Variants in CDK11B observed in about 807,000 individuals in gnomAD.
CDK11B encodes the protein cyclin-dependent kinase 11B.
A neutral mutation model predicts 84.0 loss-of-function variants in CDK11B; 37 were observed. That is an observed-to-expected ratio of 0.44 (90% CI 0.34 to 0.58). CDK11B has a LOEUF of 0.58. CDK11B is among the 20% of genes least tolerant of loss of function. The pLI is 0.02. For missense variants in CDK11B, 427 were observed against 834.0 expected (o/e 0.51, Z 6.01); for synonymous variants, 269 against 309.8 (o/e 0.87, Z 1.38).
intron 4 of CDK11B, among the ~76,000 whole-genome samples, chr1:1,650,809 T>C (rs1274123722): frequency 6.6e-6 from 1 of 151,718 alleles, no homozygotes; most frequent in Non-Finnish European, 1.5e-5. Context: ...ATCATGATTT[T>C]ATGTTAAATA....
At chr1:1,651,283 G>A (rs1467192481) in intron 4 of CDK11B, among the ~76,000 whole-genome samples, 2 of 152,184 alleles carry the variant, frequency 1.3e-5, no homozygotes, top group Non-Finnish European at 2.9e-5. Flanking sequence ...CAATATAATG[G>A]GGGAGAGAAA....
intron 3 of CDK11B, chr1:1,654,108 TCA>T (rs1205230808): frequency 6.6e-6 from 3 of 452,212 alleles, no homozygotes; most frequent in Non-Finnish European, 1.3e-5. Context: ...CTGGGAAAAT[TCA>T]CACCTTAAGC....
rs1306698051 is a variant in CDK11B at position 1,636,693 on chromosome 1, T to C, written c.1906A>G (p.Lys636Glu). ...AGGGCCAGACCCACCTTGAACACCT[T>C]GTTGATCTGATCGATTTCTGACTTC... is the stretch of plus-strand genomic sequence containing the variant. ...PGKSEIDQIN[K>E]VFKDLGTPSE... The change falls in exon 17 of 20, where the codon AAG becomes GAG. Residue 636 changes from lysine (K) to glutamate (E), a missense_variant. By Grantham distance (56) the Lys-to-Glu change is moderately conservative. Transcript: ENST00000341832. The C allele has an allele frequency of 6.2e-7, 1 of 1,613,858 alleles. No homozygotes were observed. The highest frequency in any genetic ancestry group is 2.2e-5 in the East Asian group (1 of 44,892).
At chr1:1,651,689 G>GCT (rs1642030163) in intron 4 of CDK11B, among the ~76,000 whole-genome samples, 1 of 150,176 alleles carries the variant, frequency 6.7e-6, no homozygotes, top group African/African-American at 2.5e-5. Flanking sequence ...GCTGGAGTTT[G>GCT]CTCTCTATAG....
Position 1,652,551 on chromosome 1 carries a change from A to T in CDK11B, c.243T>A (p.Asp81Glu). Residue 81 changes from aspartate to glutamate, a missense_variant, in exon 4 of 20, where the codon GAT becomes GAA. Coordinates refer to ENST00000341832, the MANE Select transcript of CDK11B (RefSeq NM_033486.3). Reference sequence around the variant, plus strand: ...GCTGGGGTGGTTTGATGGCCAAAGAATCATCTTCTTCTCCTCTGAAATAAA... The same window carrying T: ...GCTGGGGTGGTTTGATGGCCAAAGATTCATCTTCTTCTCCTCTGAAATAAA... The part of the protein sequence containing the change: ...DSMEDRGEED[D>E]SLAIKPPQQM... 6.8e-7 allele frequency: 1 copy of T among 1,477,258 alleles called. No homozygotes were observed. Among genetic ancestry groups the T allele is most frequent in the Non-Finnish European group, 8.9e-7 (1 of 1,121,318 alleles). The allele number at this position is 1,477,258 out of a possible 1,614,324, so 91.5% of individuals were successfully genotyped here.
intron 4 of CDK11B, among the ~76,000 whole-genome samples, chr1:1,650,360 TC>T (rs1641816126): frequency 7.8e-6 from 1 of 128,780 alleles, no homozygotes; most frequent in African/African-American, 3.2e-5. Flanking sequence ...TCCTAATTTT[TC>T]TTTTTTTTCT....
intron 11 of CDK11B, among the ~76,000 whole-genome samples, chr1:1,639,503 C>T (rs530940920): frequency 1.3e-5 from 2 of 152,036 alleles, no homozygotes; most frequent in South Asian, 4.2e-4. Flanking sequence ...CGGGCCCTAC[C>T]TGCCAGGCGC....
intron 2 of CDK11B, chr1:1,657,155 A>C (rs1347998253): frequency 4.6e-6 from 7 of 1,534,464 alleles, no homozygotes; most frequent in Non-Finnish European, 6.3e-6. Flanking sequence ...TTCTCCATGT[A>C]TGCTCAATCT....
intron 4 of CDK11B, among the ~76,000 whole-genome samples, chr1:1,650,688 T>TCA (rs1557709325): frequency 2.2e-4 from 27 of 122,550 alleles, no homozygotes; most frequent in African/African-American, 6.8e-4. Flanking sequence ...TTTTTTTTTT[T>TCA]AAAGAGACAG....
At chr1:1,650,705 G>A (rs1370766802) in intron 4 of CDK11B, among the ~76,000 whole-genome samples, 29 of 135,274 alleles carry the variant, frequency 2.1e-4, no homozygotes, top group Non-Finnish European at 3.8e-4. Context: ...ACAGGGTCTC[G>A]CTATATTGGC....
At chr1:1,650,370 C>CTT (rs1214383150) in intron 4 of CDK11B, among the ~76,000 whole-genome samples, 8,266 of 120,260 alleles carry the variant, frequency 0.069, 513 homozygotes, top group East Asian at 0.26. Flanking sequence ...TCTTTTTTTT[C>CTT]TTTTTTTTTT....
chr1:1,655,310 G>C, intron 3 of CDK11B, 59 bp downstream of exon 3: 2 of 1,572,952 alleles, frequency 1.3e-6, no homozygotes, highest in Non-Finnish European at 1.7e-6. Flanking sequence ...ACCCTAGGAA[G>C]GACCGGCCAG....
At chr1:1,658,273 G>A (rs1207682051) in intron 1 of CDK11B, among the ~76,000 whole-genome samples, 4 of 149,576 alleles carry the variant, frequency 2.7e-5, no homozygotes, top group Non-Finnish European at 5.9e-5. Flanking sequence ...GAGCCCAGGA[G>A]TTCCAGGCTG....
At position 1,637,924 on chromosome 1, in the gene CDK11B, A is replaced by C. The variant is rs748718496; in HGVS notation, c.1343-41T>G. Reference sequence around the variant, plus strand: ...AGACGGCACTGAGAGGCATTCTCAAAGTCACGGTACCAACAGTGGACTCGT... The same window carrying C: ...AGACGGCACTGAGAGGCATTCTCAACGTCACGGTACCAACAGTGGACTCGT... On this transcript the variant is annotated intron_variant, in intron 12 of 19. Coordinates refer to ENST00000341832, the MANE Select transcript of CDK11B (RefSeq NM_033486.3). The C allele has an allele frequency of 9.3e-6, 15 of 1,611,994 alleles. No homozygotes were observed. The African/African-American group carries it at 1.9e-4, about 20-fold the overall frequency.
rs2100699759 is a variant in CDK11B, at chr1:1,638,491, C to T, written c.1342+9G>A. 3 of 1,015,748 alleles carry T rather than the reference C, an allele frequency of 3.0e-6. No individual in the cohort carries two copies. Among genetic ancestry groups the T allele is most frequent in the Non-Finnish European group, 4.6e-6 (3 of 648,004 alleles). 62.9% of individuals were successfully genotyped at this position (1,015,748 alleles called of 1,614,324 possible). A position where few individuals can be genotyped will look rare whatever the true frequency, so the allele number is the denominator to read the frequency against. On this transcript the variant is annotated intron_variant, in intron 12 of 19. Coordinates refer to ENST00000341832, the MANE Select transcript of CDK11B (RefSeq NM_033486.3). ...CCCTGCCTTTGTGGGGTGAGGGGAC[C>T]CCACCCACCTGTTTTCTTGTCTTTT...
At position 1,652,627 on chromosome 1, in the gene CDK11B, A is replaced by T. The variant is rs1642155962; in HGVS notation, c.228-61T>A. On this transcript the variant is annotated intron_variant, in intron 3 of 19. Coordinates refer to ENST00000341832, the MANE Select transcript of CDK11B (RefSeq NM_033486.3). Reference sequence around the variant, plus strand: ...AGAAAGTGCAAAGAAGCATCAGGCTATTATAAGGTTTCTTCAACCCAGAAA... The same window carrying T: ...AGAAAGTGCAAAGAAGCATCAGGCTTTTATAAGGTTTCTTCAACCCAGAAA... The T allele has an allele frequency of 3.1e-6, 4 of 1,275,282 alleles. No homozygotes were observed. In the East Asian group the frequency reaches 1.1e-4, roughly 36 times the overall value. 79.0% of individuals were successfully genotyped at this position (1,275,282 alleles called of 1,614,324 possible). A position where few individuals can be genotyped will look rare whatever the true frequency, so the allele number is the denominator to read the frequency against.
chr1:1,650,487 T>A (rs1641854688), intron 4 of CDK11B, among the ~76,000 whole-genome samples: 1 of 148,646 alleles, frequency 6.7e-6, no homozygotes, highest in Non-Finnish European at 1.5e-5. Context: ...TGCCTCAGCC[T>A]CCCGAGTAGC....
intron 17 of CDK11B, 82 bp from the exon 18 acceptor site, chr1:1,636,563 C>A: frequency 6.4e-7 from 1 of 1,572,642 alleles, no homozygotes; most frequent in South Asian, 1.2e-5. Flanking sequence ...AGACAAGCCA[C>A]CAGGAGGGCT....
chr1:1,651,306 A>C (rs1387856744), intron 4 of CDK11B, among the ~76,000 whole-genome samples: 312 of 152,342 alleles, frequency 2.0e-3, no homozygotes, highest in African/African-American at 7.2e-3. Flanking sequence ...CCCAGAGGAA[A>C]AATGGACTAG....
Sources: allele counts gnomAD v4.1 joint callset (sites outside exome capture counted in the v4.1 genomes callset), GRCh38; gene constraint gnomAD v4.1.1; transcripts MANE v1.5; gene names NCBI Gene and HGNC (gene_info 2026-07-23, HGNC 2026-07-21).